Variants in ROBO1 observed in about 807,000 individuals in gnomAD.
The protein encoded by ROBO1 is roundabout guidance receptor 1.
Under a neutral mutation model 195.9 loss-of-function variants are expected in ROBO1, and 149 were observed. The ratio of observed to expected loss-of-function variants is 0.76; its 90% confidence interval spans 0.67 to 0.87. The LOEUF (loss-of-function observed/expected upper bound fraction) is 0.87, where lower values mean the gene tolerates loss of function less well. Among genes scored for constraint, ROBO1 ranks in the 40% least tolerant of loss-of-function variants. The probability of loss-of-function intolerance (pLI) is 0.00; values close to 1 mark genes in which losing one functional copy is unlikely to be tolerated. For missense variants in ROBO1, 1,933 were observed against 2,068.3 expected (o/e 0.93, Z 1.27); for synonymous variants, 816 against 733.2 (o/e 1.11, Z -1.82).
Position 78,717,757 on chromosome 3 carries a change from A to G in ROBO1, c.778+6T>C. The G allele has an allele frequency of 6.2e-7, 1 of 1,611,872 alleles. No individual in the cohort carries two copies. Among genetic ancestry groups the G allele is most frequent in the Non-Finnish European group, 8.5e-7 (1 of 1,178,938 alleles). On this transcript the variant is annotated splice_donor_region_variant and intron_variant, in intron 6 of 30. Coordinates refer to ENST00000464233, the MANE Select transcript of ROBO1 (RefSeq NM_002941.4). ...CAATGAGAAGATTAAATAAAATTAC[A>G]CTTACCTAAGACAGTCAGCTCGGCT...
Position 79,758,869 on chromosome 3 carries a change from G to A in ROBO1, c.-51+8883C>T, listed in dbSNP as rs899263768. ...AAAGGGCCAAAAAGAATGAATAAAA[G>A]CACACAATAAATTTGTTCATTTTCC... On this transcript the variant is annotated intron_variant, in intron 1 of 30. Coordinates refer to ENST00000464233, the MANE Select transcript of ROBO1 (RefSeq NM_002941.4). Among the ~76,000 whole-genome samples, 21 of 152,096 alleles carry A rather than the reference G, an allele frequency of 1.4e-4. No homozygotes were observed. The East Asian group carries it at 3.9e-3, about 28-fold the overall frequency.
intron 3 of ROBO1, among the ~76,000 whole-genome samples, chr3:79,086,322 AG>A (rs1175594571): frequency 6.6e-6 from 1 of 152,150 alleles, no homozygotes; most frequent in Non-Finnish European, 1.5e-5. Flanking sequence ...TAAAAAAAAA[AG>A]AAATGTTAAA....
intron 3 of ROBO1, among the ~76,000 whole-genome samples, chr3:79,078,539 G>A (rs2079215239): frequency 6.6e-6 from 1 of 151,750 alleles, no homozygotes; most frequent in South Asian, 2.1e-4. Flanking sequence ...CCAACAGAGG[G>A]TGATGGGATG....
chr3:78,802,750 CAAT>C (rs1164619902), intron 4 of ROBO1, among the ~76,000 whole-genome samples: 2 of 148,274 alleles, frequency 1.3e-5, no homozygotes, highest in Non-Finnish European at 3.0e-5. Context: ...TCATCATCAT[CAAT>C]AACATTATCA....
intron 4 of ROBO1, among the ~76,000 whole-genome samples, chr3:78,915,087 G>T (rs531653225): frequency 6.6e-6 from 1 of 152,020 alleles, no homozygotes; most frequent in Non-Finnish European, 1.5e-5. Context: ...CTCTTATTCC[G>T]CATGTGGCAT....
chr3:78,617,419 C>T (rs2107389456), intron 27 of ROBO1, among the ~76,000 whole-genome samples: 1 of 149,414 alleles, frequency 6.7e-6, no homozygotes. Flanking sequence ...TAAATAAAAA[C>T]TAAATAGAAG....
At chr3:78,996,196 A>G (rs2077360597) in intron 3 of ROBO1, among the ~76,000 whole-genome samples, 1 of 152,046 alleles carries the variant, frequency 6.6e-6, no homozygotes, top group East Asian at 1.9e-4. Context: ...TCTCAAAACA[A>G]TCTCCCAAGC....
intron 2 of ROBO1, among the ~76,000 whole-genome samples, chr3:79,228,079 C>G (rs745986299): frequency 3.3e-5 from 5 of 151,994 alleles, no homozygotes; most frequent in Non-Finnish European, 5.9e-5. Flanking sequence ...TCTTTCAGAT[C>G]TGTTTAACAC....
At chr3:79,605,361 A>G (rs1449695851) in intron 1 of ROBO1, among the ~76,000 whole-genome samples, 2 of 151,488 alleles carry the variant, frequency 1.3e-5, no homozygotes, top group African/African-American at 4.9e-5. Context: ...TCCATCCTTA[A>G]TAGTCTCTGT....
intron 4 of ROBO1, among the ~76,000 whole-genome samples, chr3:78,803,408 G>A (rs532257688): frequency 3.3e-5 from 5 of 152,134 alleles, no homozygotes; most frequent in African/African-American, 1.2e-4. Context: ...GCTCATCAAT[G>A]GGGAAACAAG....
intron 2 of ROBO1, among the ~76,000 whole-genome samples, chr3:79,529,667 G>C (rs930488481): frequency 5.3e-5 from 8 of 152,110 alleles, no homozygotes. Flanking sequence ...ACTGGAATAA[G>C]GGACGATTCA....
chr3:78,648,939 C>T (rs716386), intron 19 of ROBO1, among the ~76,000 whole-genome samples: 61,805 of 151,852 alleles, frequency 0.41, 13,564 homozygotes, highest in Middle Eastern at 0.54. Flanking sequence ...TATCTCTGAG[C>T]ATACTAGAAA....
chr3:78,847,416 ATT>A (rs2106819341), intron 4 of ROBO1, among the ~76,000 whole-genome samples: 2 of 152,240 alleles, frequency 1.3e-5, no homozygotes, highest in East Asian at 3.9e-4. Flanking sequence ...GCTCGTGGAG[ATT>A]AGTTCCGCCA....
chr3:78,902,237 T>C (rs1426772026), intron 4 of ROBO1, among the ~76,000 whole-genome samples: 1 of 152,184 alleles, frequency 6.6e-6, no homozygotes, highest in Non-Finnish European at 1.5e-5. Context: ...ATATTTTTAG[T>C]ATGTGGTAAA....
chr3:79,333,798 G>A (rs2034546980), intron 2 of ROBO1, among the ~76,000 whole-genome samples: 1 of 152,176 alleles, frequency 6.6e-6, no homozygotes, highest in African/African-American at 2.4e-5. Flanking sequence ...GGCCTGAAAA[G>A]TTGGTCAAGT....
chr3:78,970,222 C>T (rs576513831), intron 3 of ROBO1, among the ~76,000 whole-genome samples: 5 of 152,224 alleles, frequency 3.3e-5, no homozygotes, highest in East Asian at 1.9e-4. Flanking sequence ...TTTCCCAGCA[C>T]TGATGATTCT....
chr3:78,955,880 A>G (rs1178045368), intron 3 of ROBO1, among the ~76,000 whole-genome samples: 1 of 152,192 alleles, frequency 6.6e-6, no homozygotes, highest in Non-Finnish European at 1.5e-5. Context: ...CTCAACCAGT[A>G]CTTCTGACAT....
chr3:79,595,724 C>A (rs1053289992), intron 1 of ROBO1, among the ~76,000 whole-genome samples: 1 of 138,434 alleles, frequency 7.2e-6, no homozygotes, highest in Non-Finnish European at 1.6e-5. Context: ...TTTCTTTTTA[C>A]TTTTTTTTTT....
intron 1 of ROBO1, among the ~76,000 whole-genome samples, chr3:79,748,621 C>T (rs1560154130): frequency 1.3e-5 from 2 of 152,288 alleles, no homozygotes; most frequent in African/African-American, 2.4e-5. Context: ...GTAACTCCCA[C>T]AATTCCCATG....
Sources: allele counts gnomAD v4.1 joint callset (sites outside exome capture counted in the v4.1 genomes callset), GRCh38; gene constraint gnomAD v4.1.1; transcripts MANE v1.5; gene names NCBI Gene and HGNC (gene_info 2026-07-23, HGNC 2026-07-21).